Variants in USP34 observed in about 807,000 individuals in gnomAD.
USP34 encodes ubiquitin carboxyl-terminal hydrolase 34.
In USP34, 70 loss-of-function variants were observed where a neutral mutation model predicts 460.3. The ratio of observed to expected loss-of-function variants is 0.15; its 90% CI spans 0.13 to 0.19. USP34 has a LOEUF of 0.19. Among genes scored for constraint, USP34 ranks in the 10% least tolerant of loss-of-function variants. USP34 has a pLI of 1.00. For synonymous variants in USP34, 1,647 were observed against 1,405.3 expected, an observed-to-expected ratio of 1.17 and a Z score of -3.85; for missense variants, 3,985 against 4,236.2, an observed-to-expected ratio of 0.94 and a Z score of 1.65.
intron 10 of USP34, among the ~76,000 whole-genome samples, chr2:61,358,152 A>G (rs1408581732): frequency 6.6e-6 from 1 of 152,060 alleles, no homozygotes; most frequent in Non-Finnish European, 1.5e-5. Flanking sequence ...AGATTGCACC[A>G]CGGCACTCCA....
At position 61,432,568 on chromosome 2, in the gene USP34, CAA is replaced by C. The variant is rs1051834011; in HGVS notation, c.44-11737_44-11736del. 2.6e-4 allele frequency among the ~76,000 whole-genome samples: 40 copies of C among 152,166 alleles called. No homozygotes were observed. In the Middle Eastern group the frequency reaches 0.01, roughly 39 times the overall value. On this transcript the variant is annotated intron_variant, in intron 1 of 79. Transcript: ENST00000398571. ...CTGAGGTGAGAGGACTGTTTGAGCT[CAA>C]GAGTTCTAGGCCAGCCTGGGCAACA... is the stretch of plus-strand genomic sequence containing the variant.
chr2:61,262,400 T>C (rs1688916374), intron 43 of USP34, among the ~76,000 whole-genome samples: 1 of 152,174 alleles, frequency 6.6e-6, no homozygotes, highest in African/African-American at 2.4e-5. Context: ...ATGTACTCAA[T>C]ATTTAGCTCC....
chr2:61,454,495 AGAGAAAACT>A (rs954992551), intron 1 of USP34, among the ~76,000 whole-genome samples: 3 of 151,912 alleles, frequency 2.0e-5, no homozygotes, highest in African/African-American at 7.2e-5. Context: ...ATGGAGTTAT[AGAGAAAACT>A]TCTCTGTGTA....
intron 16 of USP34, among the ~76,000 whole-genome samples, chr2:61,343,040 C>A (rs1691654468): frequency 6.6e-6 from 1 of 152,138 alleles, no homozygotes; most frequent in Non-Finnish European, 1.5e-5. Flanking sequence ...TAAATTGTTG[C>A]CAAGGTCCAC....
At chr2:61,453,811 AT>A (rs1197166974) in intron 1 of USP34, among the ~76,000 whole-genome samples, 3 of 151,996 alleles carry the variant, frequency 2.0e-5, no homozygotes, top group Non-Finnish European at 4.4e-5. Flanking sequence ...ATGCTTAAAA[AT>A]ATTTTCATAT....
At chr2:61,211,742 AACAAG>A (rs745794986) in intron 69 of USP34, 25 bp downstream of exon 69, 3 of 1,535,034 alleles carry the variant, frequency 2.0e-6, no homozygotes, top group Admixed American at 4.9e-5. Flanking sequence ...ACTGGAAATA[AACAAG>A]ACAAAACTAA....
chr2:61,466,368 T>A (rs1035702710), intron 1 of USP34, among the ~76,000 whole-genome samples: 1 of 152,042 alleles, frequency 6.6e-6, no homozygotes, highest in African/African-American at 2.4e-5. Flanking sequence ...GAGGCTGTAG[T>A]GACCCAAGAG....
At chr2:61,340,036 G>C (rs552210894) in intron 16 of USP34, among the ~76,000 whole-genome samples, 6 of 151,958 alleles carry the variant, frequency 3.9e-5, no homozygotes, top group African/African-American at 1.5e-4. Context: ...AAGTGAAATC[G>C]TTTCCTTTCT....
intron 6 of USP34, among the ~76,000 whole-genome samples, chr2:61,382,632 C>T (rs978669992): frequency 2.0e-5 from 3 of 152,248 alleles, no homozygotes; most frequent in Middle Eastern, 3.4e-3. Context: ...AAAAAAAGTA[C>T]AATACTGTCA....
At chr2:61,367,877 C>G (rs942050814) in intron 10 of USP34, among the ~76,000 whole-genome samples, 1 of 152,010 alleles carries the variant, frequency 6.6e-6, no homozygotes, top group South Asian at 2.1e-4. Flanking sequence ...AAATATTTTA[C>G]CCCAATGCTA....
chr2:61,244,563 C>T (rs1020695295), intron 51 of USP34, among the ~76,000 whole-genome samples: 6 of 150,460 alleles, frequency 4.0e-5, no homozygotes, highest in Admixed American at 6.6e-5. Flanking sequence ...TGCAGTGAGC[C>T]GAGATCGCGC....
At chr2:61,468,195 T>A (rs183807631) in intron 1 of USP34, among the ~76,000 whole-genome samples, 108 of 152,154 alleles carry the variant, frequency 7.1e-4, no homozygotes, top group African/African-American at 2.4e-3. Context: ...GTAAAAAAAA[T>A]GTTTTTTGAG....
intron 37 of USP34, 134 bp from the exon 38 acceptor site, chr2:61,281,376 C>T (rs530877420): frequency 1.6e-5 from 18 of 1,152,802 alleles, no homozygotes; most frequent in Non-Finnish European, 2.0e-5. Context: ...CTTTTGGAGG[C>T]CCAGGCAGGA....
At chr2:61,192,097 A>G (rs1245779986) in intron 76 of USP34, among the ~76,000 whole-genome samples, 2 of 152,228 alleles carry the variant, frequency 1.3e-5, no homozygotes, top group Non-Finnish European at 2.9e-5. Context: ...AGAGCACACT[A>G]CAGCCTGGTA....
At position 61,470,702 on chromosome 2, in the gene USP34, G is replaced by A. The variant is rs1183389805; in HGVS notation, c.-10C>T. 2.5e-6 allele frequency: 4 copies of A among 1,588,642 alleles called. No individual in the cohort carries two copies. Among genetic ancestry groups the A allele is most frequent in the Non-Finnish European group, 3.4e-6 (4 of 1,167,574 alleles). ...CGCAGTTCTCGCACATCGTTCGGCCGCCGCCCCCCCCCTCCCCCGCTTCGG... is the reference window on the plus strand; with the variant it reads ...CGCAGTTCTCGCACATCGTTCGGCCACCGCCCCCCCCCTCCCCCGCTTCGG... On this transcript the variant is annotated 5_prime_UTR_variant, in exon 1 of 80. Coordinates refer to ENST00000398571, the MANE Select transcript of USP34 (RefSeq NM_014709.4).
intron 68 of USP34, among the ~76,000 whole-genome samples, chr2:61,212,826 G>T (rs1477766699): frequency 1.3e-5 from 2 of 152,046 alleles, no homozygotes; most frequent in Non-Finnish European, 2.9e-5. Context: ...ACTTGTCAAA[G>T]TATATTTAAT....
At chr2:61,417,296 A>G in intron 2 of USP34, 2 of 778,618 alleles carry the variant, frequency 2.6e-6, no homozygotes, top group Non-Finnish European at 4.4e-6. Context: ...GGCCGCATAC[A>G]CTACCAAGGA....
chr2:61,275,648 C>A (rs1313156260), intron 41 of USP34, among the ~76,000 whole-genome samples: 1 of 149,772 alleles, frequency 6.7e-6, no homozygotes, highest in Non-Finnish European at 1.5e-5. Context: ...TGTTTATATA[C>A]TGAATTTGAA....
intron 61 of USP34, 89 bp downstream of exon 61, chr2:61,228,556 A>T: frequency 8.5e-7 from 1 of 1,174,376 alleles, no homozygotes; most frequent in Non-Finnish European, 1.2e-6. Flanking sequence ...AAGGGACTTT[A>T]AAGGGTTCTA....
Sources: allele counts gnomAD v4.1 joint callset (sites outside exome capture counted in the v4.1 genomes callset), GRCh38; gene constraint gnomAD v4.1.1; transcripts MANE v1.5; gene names NCBI Gene and HGNC (gene_info 2026-07-23, HGNC 2026-07-21).